The following TADA3 variants were observed in gnomAD, a reference collection of about 807,000 sequenced individuals.
TADA3 encodes the protein transcriptional adaptor 3, also known as transcriptional adapter 3.
TADA3 carries 25 observed loss-of-function variants against 43.2 expected under a neutral mutation model. The ratio of observed to expected loss-of-function variants is 0.58; its 90% CI spans 0.42 to 0.81. The LOEUF (loss-of-function observed/expected upper bound fraction) is 0.81. TADA3 is among the 30% of genes least tolerant of loss of function. The pLI is 0.00. For missense variants in TADA3, 441 were observed against 567.8 expected, an observed-to-expected ratio of 0.78 and a Z score of 2.27; for synonymous variants, 235 against 225.5, an observed-to-expected ratio of 1.04 and a Z score of -0.38.
chr3:9,786,892 C>A lies in TADA3; in HGVS notation c.810+114G>T, dbSNP rs2125623509. ...ATTAGTCCAGGTTTTTACTTTTGCA[C>A]CAACCTATTTTTGCACCAACCTAAT... On this transcript the variant is annotated intron_variant, in intron 6 of 8. Transcript: ENST00000301964. 4 of 966,882 alleles carry A rather than the reference C, an allele frequency of 4.1e-6. No individual in the cohort carries two copies. In the South Asian group the frequency reaches 4.7e-5, roughly 11 times the overall value. 59.9% of individuals were successfully genotyped at this position (966,882 alleles called of 1,614,324 possible).
chr3:9,786,078 A>C (rs542684273), intron 6 of TADA3, among the ~76,000 whole-genome samples: 1 of 152,190 alleles, frequency 6.6e-6, no homozygotes, highest in South Asian at 2.1e-4. Context: ...AGTTGGGACT[A>C]CAGGCGCCTG....
chr3:9,792,752 G>A, upstream of TADA3: 1 of 1,243,470 alleles, frequency 8.0e-7, no homozygotes. Flanking sequence ...CGGAAGAAAC[G>A]AAGGGCTCGT....
chr3:9,780,226 GCCACGGCCCTCT>G lies in TADA3; in HGVS notation c.*119_*130del. 1 of 968,702 alleles carries G rather than the reference GCCACGGCCCTCT, an allele frequency of 1.0e-6. No individual in the cohort carries two copies. Among genetic ancestry groups the G allele is most frequent in the Non-Finnish European group, 1.5e-6 (1 of 664,130 alleles). The allele number at this position is 968,702 out of a possible 1,614,324, so 60.0% of individuals were successfully genotyped here. A position where few individuals can be genotyped will look rare whatever the true frequency, so the allele number is the denominator to read the frequency against. On this transcript the variant is annotated 3_prime_UTR_variant, in exon 9 of 9. Coordinates refer to ENST00000301964, the MANE Select transcript of TADA3 (RefSeq NM_006354.5). ...TAGGCCAAAAGACCTCAGGGGAAGG[GCCACGGCCCTCT>G]AGAGACTGCCGCCATTTGAGGGACA...
chr3:9,788,054 G>C (rs1575305844), intron 4 of TADA3: 1 of 269,198 alleles, frequency 3.7e-6, no homozygotes, highest in African/African-American at 2.2e-5. Context: ...GTGCCAGCAA[G>C]GACTGGGATG....
chr3:9,786,721 G>C (rs971607664), intron 6 of TADA3, among the ~76,000 whole-genome samples: 1 of 152,234 alleles, frequency 6.6e-6, no homozygotes, highest in Non-Finnish European at 1.5e-5. Context: ...AGGGGCATGA[G>C]AGGGGCTTCT....
intron 8 of TADA3, among the ~76,000 whole-genome samples, chr3:9,781,833 C>CTTTTTTT (rs35246642): frequency 1.0e-4 from 9 of 86,890 alleles, no homozygotes; most frequent in African/African-American, 2.5e-4. Context: ...CCCATTACTT[C>CTTTTTTT]TTTTTTTTTT....
At position 9,780,177 on chromosome 3, in the gene TADA3, T is replaced by G. The variant is rs2078426184; in HGVS notation, c.*180A>C. 1 of 569,664 alleles carries G rather than the reference T, an allele frequency of 1.8e-6. No homozygotes were observed. Among genetic ancestry groups the G allele is most frequent in the Non-Finnish European group, 3.0e-6 (1 of 335,188 alleles). 35.3% of individuals were successfully genotyped at this position (569,664 alleles called of 1,614,324 possible). ...GGCCTCAGGCTAGCCCAGCAGGGCT[T>G]CCTGTGTCCTGGTTGTACAGAGCTA... is the stretch of plus-strand genomic sequence containing the variant. On this transcript the variant is annotated 3_prime_UTR_variant, in exon 9 of 9. Transcript: ENST00000301964.
At chr3:9,781,517 T>C in intron 8 of TADA3, 1 of 456,452 alleles carries the variant, frequency 2.2e-6, no homozygotes, top group Admixed American at 2.3e-5. Flanking sequence ...TTTCAGGTGT[T>C]CCGGTGCCAG....
chr3:9,792,532 T>C (rs2078764577), upstream of TADA3: 14 of 1,224,104 alleles, frequency 1.1e-5, no homozygotes, highest in Non-Finnish European at 1.4e-5. Flanking sequence ...AGGGCGAGCC[T>C]ACTGGAGTTT....
upstream of TADA3, chr3:9,792,719 G>C (rs994592052): frequency 3.1e-5 from 38 of 1,234,472 alleles, no homozygotes; most frequent in Middle Eastern, 3.1e-4. Context: ...GGAGGGGCGA[G>C]AGAAAGGATG....
intron 2 of TADA3, among the ~76,000 whole-genome samples, 156 bp downstream of exon 2, chr3:9,791,104 T>C (rs1178520410): frequency 6.6e-6 from 1 of 152,234 alleles, no homozygotes; most frequent in Non-Finnish European, 1.5e-5. Context: ...CATATTCTTG[T>C]GTATTTTTTG....
chr3:9,784,493 A>T (rs1393147502), intron 7 of TADA3, among the ~76,000 whole-genome samples: 1 of 152,152 alleles, frequency 6.6e-6, no homozygotes, highest in Non-Finnish European at 1.5e-5. Context: ...TATATATTCC[A>T]GATTTTGTTA....
At chr3:9,789,405 G>T in intron 4 of TADA3, 104 bp downstream of exon 4, 1 of 1,058,878 alleles carries the variant, frequency 9.4e-7, no homozygotes, top group Non-Finnish European at 1.4e-6. Context: ...AGACTGGGCA[G>T]GGTTGGGGAA....
Position 9,780,164 on chromosome 3 carries a change from G to T in TADA3, c.*193C>A. The T allele has an allele frequency of 1.8e-6, 1 of 540,858 alleles. No individual in the cohort carries two copies. Among genetic ancestry groups the T allele is most frequent in the Non-Finnish European group, 3.2e-6 (1 of 312,216 alleles). The allele number at this position is 540,858 out of a possible 1,614,324, so 33.5% of individuals were successfully genotyped here. ...CAAGCAGAGACTAGGCCTCAGGCTA[G>T]CCCAGCAGGGCTTCCTGTGTCCTGG... On this transcript the variant is annotated 3_prime_UTR_variant, in exon 9 of 9. Transcript: ENST00000301964.
Position 9,791,370 on chromosome 3 carries a change from A to G in TADA3, c.97T>C (p.Ser33Pro), listed in dbSNP as rs780584290. 2 of 1,614,208 alleles carry G rather than the reference A, an allele frequency of 1.2e-6. No individual in the cohort carries two copies. The highest frequency in any genetic ancestry group is 3.3e-5 in the Admixed American group (2 of 60,018). Residue 33 changes from serine (S) to proline (P), a missense_variant, in exon 2 of 9, where the codon TCT (serine) becomes CCT (proline). By Grantham distance (74) the Ser-to-Pro change is moderately conservative. Coordinates refer to ENST00000301964, the MANE Select transcript of TADA3 (RefSeq NM_006354.5). ...TCGATGCCGATGCCATCATCCTCAGAGCGTGCCAGCACTGCCGTGTAGCGG... is the reference window on the plus strand; with the variant it reads ...TCGATGCCGATGCCATCATCCTCAGGGCGTGCCAGCACTGCCGTGTAGCGG... ...CPRYTAVLAR[S>P]EDDGIGIEEL...
intron 2 of TADA3, among the ~76,000 whole-genome samples, chr3:9,790,982 C>G (rs1668395694): frequency 6.6e-6 from 1 of 152,218 alleles, no homozygotes; most frequent in South Asian, 2.1e-4. Flanking sequence ...CCATAACTGT[C>G]CTAATTACCT....
At chr3:9,791,837 T>C (rs1249728734) in intron 1 of TADA3, among the ~76,000 whole-genome samples, 1 of 91,756 alleles carries the variant, frequency 1.1e-5, no homozygotes, top group Non-Finnish European at 2.4e-5. Context: ...CTGATCACCA[T>C]GCTATACTGC....
intron 8 of TADA3, among the ~76,000 whole-genome samples, chr3:9,782,284 C>G (rs1244335591): frequency 6.6e-6 from 1 of 152,228 alleles, no homozygotes; most frequent in Non-Finnish European, 1.5e-5. Context: ...GGCTTTGATT[C>G]AACCACAGGT....
At chr3:9,784,272 G>A in intron 7 of TADA3, 59 bp from the exon 8 acceptor site, 1 of 1,559,400 alleles carries the variant, frequency 6.4e-7, no homozygotes, top group Non-Finnish European at 8.7e-7. Flanking sequence ...GGCCCACCTT[G>A]GAGGTTCCCA....
Sources: gnomAD v4.1 joint callset for allele counts (sites outside exome capture counted in the v4.1 genomes callset) on GRCh38, gnomAD v4.1.1 for gene constraint, MANE v1.5 for transcripts, NCBI Gene and HGNC (gene_info 2026-07-23, HGNC 2026-07-21) for gene names.